EML6: variants seen among roughly 807,000 people sequenced by gnomAD.
The protein encoded by EML6 is echinoderm microtubule-associated protein-like 6.
Under a neutral mutation model 240.1 loss-of-function variants are expected in EML6, and 154 were observed. That is an observed-to-expected ratio of 0.64 (90% confidence interval 0.56 to 0.73). The LOEUF (loss-of-function observed/expected upper bound fraction) is 0.73. Ranked by LOEUF, EML6 falls within the 30% of genes least tolerant of loss-of-function variation. EML6 has a pLI of 0.00. For missense variants in EML6, 2,964 were observed against 2,474.6 expected, an observed-to-expected ratio of 1.20 and a Z score of -4.20; for synonymous variants, 1,148 against 899.0, an observed-to-expected ratio of 1.28 and a Z score of -4.95.
chr2:54,963,578 A>G lies in EML6; in HGVS notation c.5158-408A>G, dbSNP rs1029822575. On this transcript the variant is annotated intron_variant, in intron 36 of 41. Coordinates refer to ENST00000356458, the MANE Select transcript of EML6 (RefSeq NM_001039753.4). ...AAGCTCACACTCTTTCCCCTAAAGA[A>G]GAGGTTGGCAATCTACAGTTAAAGG... 7.9e-5 allele frequency among the ~76,000 whole-genome samples: 12 copies of G among 152,350 alleles called. No individual in the cohort carries two copies. The East Asian group carries it at 2.3e-3, about 29-fold the overall frequency.
Position 54,827,683 on chromosome 2 carries a change from G to C in EML6, c.643G>C (p.Ala215Pro). Residue 215 changes from alanine to proline, a missense_variant, in exon 6 of 42, where the codon GCT becomes CCT. Transcript: ENST00000356458. ...CAAAGAAGACATCACCTACTCTGGTGCTTTAAATGGTGACATCTATGTCTG... is the reference window on the plus strand; with the variant it reads ...CAAAGAAGACATCACCTACTCTGGTCCTTTAAATGGTGACATCTATGTCTG... ...CAKEDITYSG[A>P]LNGDIYVWKG... 6.4e-7 allele frequency: 1 copy of C among 1,551,656 alleles called. No homozygotes were observed. Among genetic ancestry groups the C allele is most frequent in the Non-Finnish European group, 8.7e-7 (1 of 1,146,934 alleles).
chr2:54,926,425 A>G lies in EML6; in HGVS notation c.3676-1888A>G, dbSNP rs562272027. Among the ~76,000 whole-genome samples the G allele has an allele frequency of 9.8e-5, 15 of 152,324 alleles. 1 individual carries two copies. In the South Asian group the frequency reaches 2.9e-3, roughly 29 times the overall value. ...CCATATTCCAGGTTTTTCTGGTGCTATCATCCATTATTTCATCACTTGATG... is the reference window on the plus strand; with the variant it reads ...CCATATTCCAGGTTTTTCTGGTGCTGTCATCCATTATTTCATCACTTGATG... On this transcript the variant is annotated intron_variant, in intron 26 of 41. Transcript: ENST00000356458.
chr2:54,826,890 T>C (rs767627558), intron 5 of EML6, among the ~76,000 whole-genome samples: 4 of 152,110 alleles, frequency 2.6e-5, no homozygotes, highest in South Asian at 2.1e-4. Flanking sequence ...TACCTAGATA[T>C]AGCCGAGTGC....
intron 34 of EML6, 87 bp from the exon 35 acceptor site, chr2:54,960,133 T>C: frequency 1.0e-6 from 1 of 999,886 alleles, no homozygotes; most frequent in Admixed American, 2.0e-5. Context: ...AGAACCCTGA[T>C]GACTGGGAAA....
In EML6 at chr2:54,928,468, G is replaced by A. The variant is rs143989004; in HGVS notation, c.3831G>A (p.Lys1277=). ...TREFVGTQES[K]LVDSEESDTD... ...AGTTTGTGGGGACCCAGGAGAGCAA[G>A]CTGGTGGACAGCGAGGAGTCAGACA... Residue 1277 remains lysine, a synonymous_variant, in exon 27 of 42, where the codon AAG becomes AAA. Transcript: ENST00000356458. 1,226 of 1,549,640 alleles carry A rather than the reference G, an allele frequency of 7.9e-4. 14 individuals are homozygous for A. In the African/African-American group the frequency reaches 0.015, roughly 19 times the overall value.
At chr2:54,852,368 TTGACG>T (rs1670137079) in intron 10 of EML6, among the ~76,000 whole-genome samples, 1 of 152,256 alleles carries the variant, frequency 6.6e-6, no homozygotes, top group African/African-American at 2.4e-5. Flanking sequence ...TTTTCTTTGC[TTGACG>T]TTACTTCATA....
chr2:54,842,213 C>T (rs1412251525), intron 7 of EML6, among the ~76,000 whole-genome samples: 1 of 152,204 alleles, frequency 6.6e-6, no homozygotes, highest in Admixed American at 6.5e-5. Context: ...TAAAAATCCT[C>T]CATACTCTGC....
At chr2:54,968,015 G>A in intron 39 of EML6, 113 bp from the exon 40 acceptor site, 1 of 1,060,740 alleles carries the variant, frequency 9.4e-7, no homozygotes, top group Non-Finnish European at 1.4e-6. Flanking sequence ...GGCTGTTGGG[G>A]ACCCCTGATG....
chr2:54,837,212 T>C (rs1025309825), intron 7 of EML6, among the ~76,000 whole-genome samples: 1 of 152,196 alleles, frequency 6.6e-6, no homozygotes, highest in Non-Finnish European at 1.5e-5. Context: ...TTCAGTACCA[T>C]GTCCTGGGCA....
chr2:54,955,907 A>T (rs1314727901), intron 32 of EML6, among the ~76,000 whole-genome samples: 1 of 152,184 alleles, frequency 6.6e-6, no homozygotes, highest in African/African-American at 2.4e-5. Flanking sequence ...CTTCATTTCA[A>T]GTCTTACTTA....
At chr2:54,890,179 T>C (rs946402906) in intron 17 of EML6, among the ~76,000 whole-genome samples, 1 of 152,222 alleles carries the variant, frequency 6.6e-6, no homozygotes, top group Non-Finnish European at 1.5e-5. Context: ...ATTAATATGA[T>C]CAATTGTATT....
intron 2 of EML6, among the ~76,000 whole-genome samples, chr2:54,788,212 T>G (rs1263003510): frequency 1.3e-5 from 2 of 152,228 alleles, no homozygotes; most frequent in Admixed American, 6.5e-5. Context: ...GTTGAGCACA[T>G]AGGTTCCAGA....
intron 8 of EML6, among the ~76,000 whole-genome samples, chr2:54,846,354 A>G (rs1379729597): frequency 6.6e-6 from 1 of 151,948 alleles, no homozygotes; most frequent in Non-Finnish European, 1.5e-5. Context: ...TTACATACAT[A>G]TATAATTATA....
rs116517750 is a variant in EML6, at chr2:54,833,333, A to C, written c.847+3856A>C. 4.6e-3 allele frequency among the ~76,000 whole-genome samples: 696 copies of C among 152,354 alleles called. 5 individuals carry two copies. Among genetic ancestry groups the C allele is most frequent in the African/African-American group, 0.016 (656 of 41,588 alleles). ...TAATGGAAATCTTTGCAAGATTGGCATACATTTGCATCTTCTAATAACTAT... is the reference window on the plus strand; with the variant it reads ...TAATGGAAATCTTTGCAAGATTGGCCTACATTTGCATCTTCTAATAACTAT... On this transcript the variant is annotated intron_variant, in intron 7 of 41. Transcript: ENST00000356458.
At chr2:54,833,704 C>G (rs1029378178) in intron 7 of EML6, among the ~76,000 whole-genome samples, 1 of 152,192 alleles carries the variant, frequency 6.6e-6, no homozygotes, top group African/African-American at 2.4e-5. Flanking sequence ...GTTTTATTTG[C>G]ACCGGTGACT....
At chr2:54,958,643 G>C (rs72910845) in intron 33 of EML6, among the ~76,000 whole-genome samples, 1 of 152,098 alleles carries the variant, frequency 6.6e-6, no homozygotes, top group African/African-American at 2.4e-5. Flanking sequence ...TTTCTTACCA[G>C]CCCTCTTGTG....
intron 13 of EML6, among the ~76,000 whole-genome samples, chr2:54,865,989 T>C (rs1252483195): frequency 6.6e-6 from 1 of 152,194 alleles, no homozygotes; most frequent in Non-Finnish European, 1.5e-5. Context: ...TGAATAATAA[T>C]CTTTAGATTC....
intron 2 of EML6, among the ~76,000 whole-genome samples, chr2:54,799,985 C>G (rs1157233623): frequency 6.6e-6 from 1 of 152,176 alleles, no homozygotes; most frequent in African/African-American, 2.4e-5. Flanking sequence ...GTGGCTCACG[C>G]CTGTAATCTG....
chr2:54,917,013 A>C, intron 26 of EML6, 78 bp downstream of exon 26: 1 of 1,175,542 alleles, frequency 8.5e-7, no homozygotes. Flanking sequence ...TGCATTTTTA[A>C]AAATTTGAAG....
Sources: gnomAD v4.1 joint callset for allele counts (sites outside exome capture counted in the v4.1 genomes callset) on GRCh38, gnomAD v4.1.1 for gene constraint, MANE v1.5 for transcripts, NCBI Gene and HGNC (gene_info 2026-07-23, HGNC 2026-07-21) for gene names.